The following ACSL4 variants were observed in gnomAD, a reference collection of about 807,000 sequenced individuals.
ACSL4 encodes acyl-CoA synthetase long chain family member 4.
In ACSL4, 9 loss-of-function variants were observed where a neutral mutation model predicts 49.1. The observed-to-expected ratio is 0.18, with a 90% CI of 0.11 to 0.32. The LOEUF (loss-of-function observed/expected upper bound fraction) is 0.32. ACSL4 is among the 10% of genes least tolerant of loss of function. ACSL4 has a pLI of 1.00. For missense variants in ACSL4, 333 were observed against 493.7 expected, an observed-to-expected ratio of 0.67 and a Z score of 3.08; for synonymous variants, 191 against 170.3, an observed-to-expected ratio of 1.12 and a Z score of -0.95.
At chrX:109,732,718 A>G (rs1192628774) in intron 1 of ACSL4, among the ~76,000 whole-genome samples, 2 of 111,364 alleles carry the variant, frequency 1.8e-5, no homozygotes, top group Non-Finnish European at 3.8e-5. Flanking sequence ...AGCGACTGGG[A>G]GGGGACAAAA....
chrX:109,703,138 A>T (rs1926093413), intron 1 of ACSL4, among the ~76,000 whole-genome samples: 1 of 112,043 alleles, frequency 8.9e-6, no homozygotes, highest in Non-Finnish European at 1.9e-5. Context: ...AAATGATAAC[A>T]TTACTGTGGA....
At chrX:109,662,491 CTA>C (rs1922254974) in intron 13 of ACSL4, among the ~76,000 whole-genome samples, 1 of 111,136 alleles carries the variant, frequency 9.0e-6, no homozygotes, top group African/African-American at 3.3e-5. Flanking sequence ...TGAGGAAACT[CTA>C]TGTCTTAAAA....
chrX:109,645,868 G>C (rs894332782), intron 15 of ACSL4, among the ~76,000 whole-genome samples: 1 of 112,528 alleles, frequency 8.9e-6, no homozygotes, highest in Non-Finnish European at 1.9e-5. Context: ...AGAACTACGT[G>C]AAGAATGCAG....
intron 1 of ACSL4, among the ~76,000 whole-genome samples, chrX:109,706,410 G>A (rs1304625221): frequency 8.9e-6 from 1 of 112,241 alleles, no homozygotes; most frequent in African/African-American, 3.2e-5. Context: ...CAACAAGAAT[G>A]CACACCATTC....
At chrX:109,693,022 T>C (rs1925158212) in intron 2 of ACSL4, among the ~76,000 whole-genome samples, 1 of 111,670 alleles carries the variant, frequency 9.0e-6, no homozygotes, top group Non-Finnish European at 1.9e-5. Flanking sequence ...CCCATAGGAA[T>C]AGATTCATGT....
intron 9 of ACSL4, among the ~76,000 whole-genome samples, chrX:109,672,213 T>A (rs1923320446): frequency 9.7e-6 from 1 of 103,155 alleles, no homozygotes; most frequent in African/African-American, 3.5e-5. Flanking sequence ...GAATCCCCCA[T>A]CATTCCCTAG....
chrX:109,683,754 G>T (rs139351870), intron 2 of ACSL4: 4 of 299,811 alleles, frequency 1.3e-5, no homozygotes, highest in Non-Finnish European at 2.3e-5. Flanking sequence ...TTAACAAGTT[G>T]ATAGCACAAT....
At chrX:109,723,988 C>T (rs1927762544) in intron 1 of ACSL4, among the ~76,000 whole-genome samples, 1 of 111,847 alleles carries the variant, frequency 8.9e-6, no homozygotes, top group Admixed American at 9.5e-5. Context: ...TGGGAAATGC[C>T]CATGTATAAT....
intron 15 of ACSL4, among the ~76,000 whole-genome samples, chrX:109,646,317 G>T (rs1934695969): frequency 8.9e-6 from 1 of 111,991 alleles, no homozygotes; most frequent in African/African-American, 3.3e-5. Context: ...ACTAACAGCG[G>T]ATCTCTCGGC....
Position 109,674,552 on chromosome X carries a change from C to T in ACSL4, c.931-79G>A, listed in dbSNP as rs1923527337. On this transcript the variant is annotated intron_variant, in intron 8 of 15. Transcript: ENST00000672401. ...GTAATTCAAGTATTAATAACAAATA[C>T]AGAAGTTACACTTGGAATTTGAGCT... 3 of 688,874 alleles carry T rather than the reference C, an allele frequency of 4.4e-6. No individual in the cohort carries two copies. The South Asian group carries it at 7.1e-5, about 16-fold the overall frequency. The allele number at this position is 688,874 out of a possible 1,213,427, so 56.8% of individuals were successfully genotyped here. A position where few individuals can be genotyped will look rare whatever the true frequency, so the allele number is the denominator to read the frequency against.
rs1157800915 is a variant in ACSL4, at chrX:109,643,484, C to A, written c.*545G>T. 8.7e-6 allele frequency: 1 copy of A among 115,033 alleles called. No individual in the cohort carries two copies. The highest frequency in any genetic ancestry group is 1.8e-5 in the Non-Finnish European group (1 of 55,011). The allele number at this position is 115,033 out of a possible 1,213,427, so 9.5% of individuals were successfully genotyped here. A position where few individuals can be genotyped will look rare whatever the true frequency, so the allele number is the denominator to read the frequency against. ...ATCTAACCTATGCAACAATTATAAT[C>A]TTAATACCTTCTAAGGTATTATTTG... On this transcript the variant is annotated 3_prime_UTR_variant, in exon 16 of 16. Coordinates refer to ENST00000672401, the MANE Select transcript of ACSL4 (RefSeq NM_001318510.2).
intron 13 of ACSL4, among the ~76,000 whole-genome samples, chrX:109,662,051 C>G (rs1468160681): frequency 9.0e-6 from 1 of 111,468 alleles, no homozygotes; most frequent in Non-Finnish European, 1.9e-5. Context: ...ACCTTCTAAT[C>G]CTCAAGTTTT....
At chrX:109,717,224 T>C (rs1185652428) in intron 1 of ACSL4, among the ~76,000 whole-genome samples, 1 of 110,981 alleles carries the variant, frequency 9.0e-6, no homozygotes, top group South Asian at 3.8e-4. Flanking sequence ...TAAGAAAAGA[T>C]TGGCTCACAC....
At chrX:109,701,345 T>C (rs1925912594) in intron 1 of ACSL4, among the ~76,000 whole-genome samples, 1 of 105,920 alleles carries the variant, frequency 9.4e-6, no homozygotes, top group Non-Finnish European at 1.9e-5. Context: ...GCCTTCTGAG[T>C]AGCTGGGACT....
chrX:109,697,947 C>T (rs189723447), intron 1 of ACSL4, among the ~76,000 whole-genome samples: 3 of 110,408 alleles, frequency 2.7e-5, no homozygotes, highest in Non-Finnish European at 5.7e-5. Context: ...AAATACAAAA[C>T]TATCCGCTAG....
chrX:109,666,871 T>C (rs1922689412), intron 11 of ACSL4, among the ~76,000 whole-genome samples: 1 of 111,903 alleles, frequency 8.9e-6, no homozygotes, highest in Non-Finnish European at 1.9e-5. Context: ...GCTGAGATTG[T>C]GCCACTGCAC....
At chrX:109,702,768 C>G (rs1476172409) in intron 1 of ACSL4, among the ~76,000 whole-genome samples, 1 of 111,203 alleles carries the variant, frequency 9.0e-6, no homozygotes, top group East Asian at 2.8e-4. Flanking sequence ...AAAGAGTTCC[C>G]AATGGCCACA....
At chrX:109,689,467 T>C (rs756952620) in intron 2 of ACSL4, among the ~76,000 whole-genome samples, 1 of 112,061 alleles carries the variant, frequency 8.9e-6, no homozygotes, top group South Asian at 3.7e-4. Context: ...CTGAAGTCCT[T>C]ACTACAACCT....
chrX:109,665,854 C>T (rs1922589200), intron 11 of ACSL4, among the ~76,000 whole-genome samples: 1 of 111,700 alleles, frequency 9.0e-6, no homozygotes, highest in Middle Eastern at 4.2e-3. Context: ...CTCTCTAAGC[C>T]TCCATTTCCT....
Sources: gnomAD v4.1 joint callset for allele counts (sites outside exome capture counted in the v4.1 genomes callset) on GRCh38, gnomAD v4.1.1 for gene constraint, MANE v1.5 for transcripts, NCBI Gene and HGNC (gene_info 2026-07-23, HGNC 2026-07-21) for gene names.